Variants in DENND4A observed in about 807,000 individuals in gnomAD.
DENND4A encodes the protein DENN domain containing 4A.
DENND4A carries 70 observed loss-of-function variants against 199.3 expected under a neutral mutation model. The ratio of observed to expected loss-of-function variants is 0.35; its 90% CI spans 0.29 to 0.43. The LOEUF (loss-of-function observed/expected upper bound fraction) is 0.43. Ranked by LOEUF, DENND4A falls within the 20% of genes least tolerant of loss-of-function variation. The pLI is 1.00. For missense variants in DENND4A, 1,723 were observed against 2,255.8 expected, an observed-to-expected ratio of 0.76 and a Z score of 4.78; for synonymous variants, 686 against 766.9, an observed-to-expected ratio of 0.89 and a Z score of 1.74.
At position 65,687,730 on chromosome 15, in the gene DENND4A, T is replaced by C. The variant is rs143749074; in HGVS notation, c.4179+2685A>G. Among the ~76,000 whole-genome samples, 409 of 152,340 alleles carry C rather than the reference T, an allele frequency of 2.7e-3. 2 individuals are homozygous for C. The highest frequency in any genetic ancestry group is 4.4e-3 in the Non-Finnish European group (297 of 68,030). ...TTGTGATGAAAAGTGCATGGGTACATTCAAATCTTTATGGCTCCGTAGGTA... is the reference window on the plus strand; with the variant it reads ...TTGTGATGAAAAGTGCATGGGTACACTCAAATCTTTATGGCTCCGTAGGTA... On this transcript the variant is annotated intron_variant, in intron 23 of 32. Transcript: ENST00000443035.
chr15:65,687,244 ATCATT>A (rs963691505), intron 23 of DENND4A, among the ~76,000 whole-genome samples: 7 of 152,164 alleles, frequency 4.6e-5, no homozygotes, highest in African/African-American at 2.4e-5. Flanking sequence ...TTAGTTTTAT[ATCATT>A]TCATATTTAA....
In DENND4A at chr15:65,724,744, C is replaced by T. The variant is rs530709210; in HGVS notation, c.1488-1796G>A. Among the ~76,000 whole-genome samples the T allele has an allele frequency of 3.3e-5, 5 of 152,264 alleles. No individual in the cohort carries two copies. In the South Asian group the frequency reaches 1.0e-3, roughly 32 times the overall value. On this transcript the variant is annotated intron_variant, in intron 11 of 32. Coordinates refer to ENST00000443035, the MANE Select transcript of DENND4A (RefSeq NM_001320835.1). ...TGCTGTGAAGGTGTGATTACATTTACAATGTGACCAACAGGATCCTGTGTT... is the reference window on the plus strand; with the variant it reads ...TGCTGTGAAGGTGTGATTACATTTATAATGTGACCAACAGGATCCTGTGTT...
chr15:65,659,397 G>C lies in DENND4A; in HGVS notation c.*2454C>G, dbSNP rs543797536. ...AATCCAGGCTAGAGTGCAATGGCAT[G>C]ATCACAGCTCATTGCAGCCCCAAAC... On this transcript the variant is annotated 3_prime_UTR_variant, in exon 33 of 33. Coordinates refer to ENST00000443035, the MANE Select transcript of DENND4A (RefSeq NM_001320835.1). 8.3e-6 allele frequency: 1 copy of C among 120,702 alleles called. No homozygotes were observed. The highest frequency in any genetic ancestry group is 3.2e-5 in the African/African-American group (1 of 31,712). The allele number at this position is 120,702 out of a possible 1,614,324, so 7.5% of individuals were successfully genotyped here.
chr15:65,778,152 G>A (rs1432027931), intron 1 of DENND4A, among the ~76,000 whole-genome samples: 1 of 152,128 alleles, frequency 6.6e-6, no homozygotes, highest in Admixed American at 6.5e-5. Context: ...GTGTAGTTAT[G>A]AGTAAGTATG....
At chr15:65,778,241 A>G (rs2077334344) in intron 1 of DENND4A, among the ~76,000 whole-genome samples, 1 of 152,298 alleles carries the variant, frequency 6.6e-6, no homozygotes, top group East Asian at 1.9e-4. Flanking sequence ...TTATCTGAAC[A>G]AATTATTTTT....
intron 14 of DENND4A, among the ~76,000 whole-genome samples, chr15:65,712,643 T>G (rs777119595): frequency 1.3e-5 from 2 of 152,084 alleles, no homozygotes; most frequent in Non-Finnish European, 2.9e-5. Context: ...TATTTAACAA[T>G]CAGTAAGGCC....
intron 4 of DENND4A, among the ~76,000 whole-genome samples, chr15:65,744,483 C>T (rs1253992897): frequency 2.0e-5 from 3 of 152,108 alleles, no homozygotes; most frequent in African/African-American, 7.2e-5. Context: ...GGGGTATCAA[C>T]TCAAACATCA....
rs543132463 is a variant in DENND4A, at chr15:65,767,034, C to T, written c.-101-5596G>A. Among the ~76,000 whole-genome samples the T allele has an allele frequency of 4.5e-4, 69 of 152,266 alleles. 1 individual carries two copies. In the South Asian group the frequency reaches 9.3e-3, roughly 21 times the overall value. On this transcript the variant is annotated intron_variant, in intron 1 of 32. Transcript: ENST00000443035. ...TATACAGATACCTCTTGTTTCCAGACCGACTATAAACAATTCAAAGGCAGA... is the reference window on the plus strand; with the variant it reads ...TATACAGATACCTCTTGTTTCCAGATCGACTATAAACAATTCAAAGGCAGA...
chr15:65,689,400 T>A (rs1477142991), intron 23 of DENND4A, among the ~76,000 whole-genome samples: 1 of 152,220 alleles, frequency 6.6e-6, no homozygotes, highest in East Asian at 1.9e-4. Flanking sequence ...ACATTGTATA[T>A]TAAAAACTGT....
chr15:65,663,687 C>T (rs1036634732), intron 32 of DENND4A, among the ~76,000 whole-genome samples: 2 of 152,124 alleles, frequency 1.3e-5, no homozygotes, highest in Non-Finnish European at 2.9e-5. Flanking sequence ...TCTTGCTCTA[C>T]AGCCCAAGCT....
In DENND4A at chr15:65,738,697, A is replaced by C. The variant is rs776304755; in HGVS notation, c.801+9T>G. On this transcript the variant is annotated intron_variant, in intron 6 of 32. Coordinates refer to ENST00000443035, the MANE Select transcript of DENND4A (RefSeq NM_001320835.1). Reference sequence around the variant, plus strand: ...AATTTGTAGATACAATTTGTCAAACACATAATACCTTTTCAGCTGAGGCTC... The same window carrying C: ...AATTTGTAGATACAATTTGTCAAACCCATAATACCTTTTCAGCTGAGGCTC... 1.9e-6 allele frequency: 3 copies of C among 1,589,476 alleles called. No individual in the cohort carries two copies. The highest frequency in any genetic ancestry group is 2.6e-6 in the Non-Finnish European group (3 of 1,170,478).
intron 1 of DENND4A, chr15:65,766,367 G>A (rs959125386): frequency 6.6e-6 from 1 of 151,964 alleles, no homozygotes; most frequent in African/African-American, 2.4e-5. Flanking sequence ...CATTATACTT[G>A]AACATAATTA....
At position 65,729,164 on chromosome 15, in the gene DENND4A, T is replaced by A. The variant is rs1468056145; in HGVS notation, c.1395A>T (p.Pro465=). The A allele has an allele frequency of 6.3e-7, 1 of 1,590,306 alleles. No individual in the cohort carries two copies. Among genetic ancestry groups the A allele is most frequent in the East Asian group, 2.3e-5 (1 of 44,258 alleles). The change falls in exon 11 of 33, where the codon CCA becomes CCT. Residue 465 remains proline, a synonymous_variant. Coordinates refer to ENST00000443035, the MANE Select transcript of DENND4A (RefSeq NM_001320835.1). The stretch of plus-strand genomic sequence containing the variant: ...ATCTTGAATCAATCCCTACTATGAA[T>A]GGACATGGTGCACTCAAGACATCTG... ...ALADVLSAPC[P]FIVGIDSRYF...
chr15:65,738,589 G>A, intron 6 of DENND4A, 117 bp downstream of exon 6: 1 of 851,450 alleles, frequency 1.2e-6, no homozygotes, highest in Non-Finnish European at 1.7e-6. Flanking sequence ...TTAATCAACT[G>A]GAAAAGTATG....
intron 23 of DENND4A, among the ~76,000 whole-genome samples, chr15:65,687,002 CAA>C (rs1283411218): frequency 6.6e-6 from 1 of 152,194 alleles, no homozygotes; most frequent in East Asian, 1.9e-4. Context: ...CATGCCTAGC[CAA>C]AGTCTGCCTT....
At chr15:65,733,948 G>A (rs572741233) in intron 7 of DENND4A, among the ~76,000 whole-genome samples, 17 of 152,292 alleles carry the variant, frequency 1.1e-4, no homozygotes, top group African/African-American at 3.1e-4. Context: ...CAAATACTGC[G>A]GAAGGCCGCA....
At chr15:65,700,115 C>T (rs2074811356) in intron 20 of DENND4A, among the ~76,000 whole-genome samples, 1 of 151,948 alleles carries the variant, frequency 6.6e-6, no homozygotes, top group African/African-American at 2.4e-5. Context: ...ATGATAATAC[C>T]TTACATAACC....
chr15:65,706,337 A>G, intron 14 of DENND4A, 113 bp from the exon 15 acceptor site: 1 of 1,089,874 alleles, frequency 9.2e-7, no homozygotes, highest in Non-Finnish European at 1.2e-6. Flanking sequence ...AACAGCTATT[A>G]AAAAAGAAGA....
chr15:65,663,176 GTA>G (rs376016019), intron 32 of DENND4A, among the ~76,000 whole-genome samples: 18,207 of 128,048 alleles, frequency 0.14, 988 homozygotes, highest in African/African-American at 0.19. Flanking sequence ...GTGTGTGTGT[GTA>G]TATATATATA....
Sources: allele counts gnomAD v4.1 joint callset (sites outside exome capture counted in the v4.1 genomes callset), GRCh38; gene constraint gnomAD v4.1.1; transcripts MANE v1.5; gene names NCBI Gene and HGNC (gene_info 2026-07-23, HGNC 2026-07-21).